Variants in DOCK1 observed in about 807,000 individuals in gnomAD.
DOCK1 encodes the protein dedicator of cytokinesis protein 1.
DOCK1 carries 138 observed loss-of-function variants against 262.7 expected under a neutral mutation model. The ratio of observed to expected loss-of-function variants is 0.53; its 90% CI spans 0.46 to 0.61. The LOEUF is 0.61. Ranked by LOEUF, DOCK1 falls within the 20% of genes least tolerant of loss-of-function variation. The pLI is 0.00. For synonymous variants in DOCK1, 866 were observed against 867.4 expected (o/e 1.00, Z 0.03); for missense variants, 1,908 against 2,370.7 (o/e 0.80, Z 4.05).
At chr10:127,320,346 G>A (rs920916119) in intron 29 of DOCK1, among the ~76,000 whole-genome samples, 3 of 152,180 alleles carry the variant, frequency 2.0e-5, no homozygotes, top group East Asian at 3.9e-4. Flanking sequence ...GGCAGGGGCC[G>A]CCAACACGCA....
chr10:127,144,866 G>A (rs540137281), intron 27 of DOCK1, among the ~76,000 whole-genome samples: 132 of 152,098 alleles, frequency 8.7e-4, no homozygotes, highest in Non-Finnish European at 1.4e-3. Flanking sequence ...CAGAATAAAT[G>A]GCTAATCCAT....
chr10:127,376,542 G>C (rs1439631247), intron 35 of DOCK1, among the ~76,000 whole-genome samples: 2 of 152,202 alleles, frequency 1.3e-5, no homozygotes, highest in Non-Finnish European at 2.9e-5. Context: ...TTACTTCACT[G>C]TCTTCTTGCA....
intron 29 of DOCK1, among the ~76,000 whole-genome samples, chr10:127,262,064 G>GTA: frequency 7.1e-6 from 1 of 141,168 alleles, no homozygotes; most frequent in African/African-American, 2.7e-5. Flanking sequence ...GCTCTTCTGT[G>GTA]TGTGTGCATG....
chr10:127,003,786 T>G (rs1304063280), intron 10 of DOCK1, among the ~76,000 whole-genome samples: 2 of 152,074 alleles, frequency 1.3e-5, no homozygotes, highest in Admixed American at 6.5e-5. Flanking sequence ...AAACCTCCTA[T>G]CTACGAAAAA....
chr10:127,362,724 G>T (rs902176964), intron 33 of DOCK1, among the ~76,000 whole-genome samples: 1 of 152,136 alleles, frequency 6.6e-6, no homozygotes, highest in Non-Finnish European at 1.5e-5. Flanking sequence ...CAGCATGAGG[G>T]ACAAACTCTG....
intron 23 of DOCK1, among the ~76,000 whole-genome samples, chr10:127,069,914 C>T (rs1235198756): frequency 6.6e-6 from 1 of 152,108 alleles, no homozygotes; most frequent in Non-Finnish European, 1.5e-5. Context: ...TTTTTCTTCT[C>T]TCAGAGCCTT....
chr10:127,008,939 T>C, intron 11 of DOCK1, 135 bp downstream of exon 11: 1 of 893,944 alleles, frequency 1.1e-6, no homozygotes, highest in South Asian at 1.8e-5. Flanking sequence ...ACCTCTTTAG[T>C]CACTGCTGTA....
At chr10:127,015,162 A>G (rs2041765210) in intron 12 of DOCK1, 1 of 149,396 alleles carries the variant, frequency 6.7e-6, no homozygotes, top group Non-Finnish European at 1.5e-5. Context: ...GGAATTTCAT[A>G]TCTTAAAAAG....
At chr10:126,948,832 G>A (rs1051197108) in intron 1 of DOCK1, among the ~76,000 whole-genome samples, 1 of 152,026 alleles carries the variant, frequency 6.6e-6, no homozygotes, top group Non-Finnish European at 1.5e-5. Flanking sequence ...AGGGAACCTT[G>A]CCCCCTATGC....
intron 1 of DOCK1, among the ~76,000 whole-genome samples, chr10:126,923,576 A>G (rs1228596616): frequency 6.6e-6 from 1 of 152,226 alleles, no homozygotes; most frequent in African/African-American, 2.4e-5. Flanking sequence ...GTGAGCCGAG[A>G]TGGCACCACT....
At chr10:126,952,197 A>G (rs2036310903) in intron 1 of DOCK1, among the ~76,000 whole-genome samples, 1 of 152,068 alleles carries the variant, frequency 6.6e-6, no homozygotes, top group Non-Finnish European at 1.5e-5. Flanking sequence ...TGGTGGTGGT[A>G]GTATTGTTGG....
chr10:127,126,911 C>T (rs541886120), intron 26 of DOCK1, among the ~76,000 whole-genome samples: 3 of 152,298 alleles, frequency 2.0e-5, no homozygotes, highest in South Asian at 4.2e-4. Context: ...AGAAAAAGAT[C>T]GGATTAAATC....
intron 27 of DOCK1, among the ~76,000 whole-genome samples, chr10:127,243,417 A>G (rs2059330155): frequency 6.6e-6 from 1 of 151,930 alleles, no homozygotes; most frequent in Non-Finnish European, 1.5e-5. Context: ...ACCCCATTCT[A>G]CCTGTGCTGT....
In DOCK1 at chr10:127,200,131, G is replaced by C. The variant is rs532880803; in HGVS notation, c.2848-47877G>C. Among the ~76,000 whole-genome samples the C allele has an allele frequency of 1.3e-5, 2 of 152,156 alleles. 1 individual carries two copies. The highest frequency in any genetic ancestry group is 4.2e-4 in the South Asian group (2 of 4,818). ...TCCCATGTCTTTGTTACACAAAAGCGGTCCCGATCCAGATCCCAAGAGAGG... is the reference window on the plus strand; with the variant it reads ...TCCCATGTCTTTGTTACACAAAAGCCGTCCCGATCCAGATCCCAAGAGAGG... On this transcript the variant is annotated intron_variant, in intron 27 of 51. Transcript: ENST00000623213.
chr10:126,960,671 T>C (rs2037122614), intron 1 of DOCK1, among the ~76,000 whole-genome samples: 1 of 150,550 alleles, frequency 6.6e-6, no homozygotes, highest in Non-Finnish European at 1.5e-5. Context: ...TCTTCTGGGA[T>C]GATTGGATGA....
In DOCK1 at chr10:127,175,003, T is replaced by C. The variant is rs552635720; in HGVS notation, c.2847+47239T>C. Among the ~76,000 whole-genome samples the C allele has an allele frequency of 9.8e-5, 15 of 152,336 alleles. No individual in the cohort carries two copies. Among genetic ancestry groups the C allele is most frequent in the African/African-American group, 3.6e-4 (15 of 41,576 alleles). On this transcript the variant is annotated intron_variant, in intron 27 of 51. Coordinates refer to ENST00000623213, the MANE Select transcript of DOCK1 (RefSeq NM_001290223.2). The surrounding 1 kb of genome is among the most constrained non-coding windows in gnomAD (Gnocchi z 6.3). Reference sequence around the variant, plus strand: ...GAATTCAAGGCCAGAAAGATGAACATTAACCAGAAAGCGTATCGTGCAGGA... The same window carrying C: ...GAATTCAAGGCCAGAAAGATGAACACTAACCAGAAAGCGTATCGTGCAGGA...
At chr10:127,251,896 C>T (rs1228290838) in intron 28 of DOCK1, among the ~76,000 whole-genome samples, 1 of 151,314 alleles carries the variant, frequency 6.6e-6, no homozygotes, top group East Asian at 2.0e-4. Context: ...GGTATATACC[C>T]AGTAATGGGA....
intron 38 of DOCK1, among the ~76,000 whole-genome samples, chr10:127,388,509 GGGAGAAAGA>G (rs1317684699): frequency 1.3e-5 from 2 of 152,200 alleles, no homozygotes; most frequent in African/African-American, 4.8e-5. Flanking sequence ...TACATTTTCT[GGGAGAAAGA>G]GCAGTAGGAA....
At chr10:127,227,041 A>G (rs977374220) in intron 27 of DOCK1, among the ~76,000 whole-genome samples, 6 of 152,188 alleles carry the variant, frequency 3.9e-5, no homozygotes, top group Non-Finnish European at 8.8e-5. Flanking sequence ...GACTTGGCCT[A>G]TAGCAAGTGA....
Sources: allele counts gnomAD v4.1 joint callset (sites outside exome capture counted in the v4.1 genomes callset), GRCh38; gene constraint gnomAD v4.1.1; non-coding constraint Gnocchi (gnomAD v3.1); transcripts MANE v1.5; gene names NCBI Gene and HGNC (gene_info 2026-07-23, HGNC 2026-07-21).